ANK2: variants seen among roughly 807,000 people sequenced by gnomAD.
The protein encoded by ANK2 is ankyrin-2.
Under a neutral mutation model 360.5 loss-of-function variants are expected in ANK2, and 83 were observed. The observed-to-expected ratio is 0.23, with a 90% confidence interval of 0.19 to 0.28. ANK2 has a LOEUF of 0.28. Among genes scored for constraint, ANK2 ranks in the 10% least tolerant of loss-of-function variants. The pLI is 1.00. For missense variants in ANK2, 4,201 were observed against 4,795.7 expected, an observed-to-expected ratio of 0.88 and a Z score of 3.66; for synonymous variants, 1,740 against 1,759.5, an observed-to-expected ratio of 0.99 and a Z score of 0.28.
At chr4:112,707,213 T>C in the ANK2 span, among the ~76,000 whole-genome samples, 58 of 152,276 alleles carry the variant, frequency 3.8e-4, no homozygotes, top group African/African-American at 1.4e-3. Flanking sequence ...CCTGGTAGTG[T>C]GGAAATTTTG....
At chr4:112,788,935 C>T in the ANK2 span, 1 of 615,940 alleles carries the variant, frequency 1.6e-6, no homozygotes, top group South Asian at 2.1e-5. Flanking sequence ...ACTTCATCAT[C>T]TCAAATACAG....
intron 20 of ANK2, among the ~76,000 whole-genome samples, chr4:113,289,840 TA>T (rs1563463596): frequency 6.6e-6 from 1 of 152,214 alleles, no homozygotes; most frequent in Non-Finnish European, 1.5e-5. Flanking sequence ...CTTTGAGACT[TA>T]TTTAAAGCCT....
chr4:112,706,900 T>C, the ANK2 span: 1 of 152,180 alleles, frequency 6.6e-6, no homozygotes. Context: ...TCTGTTTGTA[T>C]GGTAATATTA....
chr4:113,179,193 A>G (rs1327540052), intron 2 of ANK2, among the ~76,000 whole-genome samples: 1 of 152,234 alleles, frequency 6.6e-6, no homozygotes, highest in Non-Finnish European at 1.5e-5. Flanking sequence ...ATAATATGGC[A>G]TATGAAAGAA....
At chr4:112,745,684 C>T in the ANK2 span, among the ~76,000 whole-genome samples, 1 of 152,080 alleles carries the variant, frequency 6.6e-6, no homozygotes, top group African/African-American at 2.4e-5. Flanking sequence ...TAGGCACCCA[C>T]CACCATGCCT....
chr4:112,779,506 G>T, the ANK2 span, among the ~76,000 whole-genome samples: 2 of 151,912 alleles, frequency 1.3e-5, no homozygotes, highest in African/African-American at 2.4e-5. Flanking sequence ...GCGACAGAGC[G>T]GGACTCGGTC....
At chr4:112,979,250 G>T (rs2042363976) in intron 2 of ANK2, among the ~76,000 whole-genome samples, 1 of 152,210 alleles carries the variant, frequency 6.6e-6, no homozygotes, top group South Asian at 2.1e-4. Flanking sequence ...AGGTGTGCCG[G>T]CTGCAGCAAG....
chr4:112,785,550 T>C, the ANK2 span, among the ~76,000 whole-genome samples: 1 of 151,958 alleles, frequency 6.6e-6, no homozygotes, highest in Non-Finnish European at 1.5e-5. Context: ...TTTCTGTATT[T>C]TTAATAGAGA....
At chr4:112,763,298 C>T in the ANK2 span, among the ~76,000 whole-genome samples, 1 of 150,840 alleles carries the variant, frequency 6.6e-6, no homozygotes, top group African/African-American at 2.4e-5. Context: ...GGGCGATCTC[C>T]GCTCACTGCA....
chr4:112,901,531 G>A (rs2083347670), intron 1 of ANK2, among the ~76,000 whole-genome samples: 2 of 152,096 alleles, frequency 1.3e-5, no homozygotes, highest in Admixed American at 6.6e-5. Context: ...GGTTTTCAGT[G>A]TTGTTTCTTT....
chr4:113,134,497 C>T (rs2096273887), intron 1 of ANK2, among the ~76,000 whole-genome samples: 2 of 151,814 alleles, frequency 1.3e-5, no homozygotes, highest in East Asian at 3.9e-4. Flanking sequence ...GAAAATTGAT[C>T]CCCCCTTATC....
chr4:113,081,809 G>A (rs9991647), intron 1 of ANK2, among the ~76,000 whole-genome samples: 5,584 of 150,276 alleles, frequency 0.037, 352 homozygotes, highest in African/African-American at 0.13. Context: ...ATGAAAACAC[G>A]TATTTTTTTT....
chr4:112,805,940 G>C, the ANK2 span, among the ~76,000 whole-genome samples: 1 of 152,078 alleles, frequency 6.6e-6, no homozygotes, highest in Non-Finnish European at 1.5e-5. Flanking sequence ...GTACAAAATA[G>C]GTGTATATAT....
At chr4:113,095,489 A>G (rs546743805) in intron 1 of ANK2, among the ~76,000 whole-genome samples, 65 of 152,256 alleles carry the variant, frequency 4.3e-4, no homozygotes, top group African/African-American at 1.5e-3. Flanking sequence ...TGTGATTTGT[A>G]TCAGGCACGA....
chr4:113,353,332 A>G lies in ANK2; in HGVS notation c.4714A>G (p.Thr1572Ala). 6.2e-7 allele frequency: 1 copy of G among 1,614,108 alleles called. No homozygotes were observed. Among genetic ancestry groups the G allele is most frequent in the Non-Finnish European group, 8.5e-7 (1 of 1,179,960 alleles). ...VNEILRSGTC[T>A]RDESSVQSSR... ...TGAAATCCTGAGAAGTGGAACCTGC[A>G]CAAGAGATGAAAGCAGTGTGCAGAG... is the stretch of plus-strand genomic sequence containing the variant. The change falls in exon 38 of 46, where the codon ACA (threonine) becomes GCA (alanine). Residue 1572 changes from threonine (T) to alanine (A), a missense_variant. Physicochemically the swap from Thr to Ala is moderately conservative, Grantham distance 58. This residue lies in a region of ANK2 where 1,268 missense variants were observed against 1,650.8 expected (regional missense o/e 0.77). Coordinates refer to ENST00000357077, the MANE Select transcript of ANK2 (RefSeq NM_001148.6).
intron 1 of ANK2, among the ~76,000 whole-genome samples, chr4:112,900,536 G>A (rs933333191): frequency 6.6e-6 from 1 of 152,016 alleles, no homozygotes; most frequent in Non-Finnish European, 1.5e-5. Context: ...TCAAAAGCCG[G>A]GGAAAGGGAA....
intron 2 of ANK2, among the ~76,000 whole-genome samples, chr4:112,941,802 T>C (rs2094242914): frequency 6.7e-6 from 1 of 150,146 alleles, no homozygotes; most frequent in African/African-American, 2.4e-5. Context: ...TTTACGTGTG[T>C]ATATTTTTTA....
chr4:113,308,382 G>A (rs2078256183), intron 23 of ANK2, among the ~76,000 whole-genome samples: 1 of 152,192 alleles, frequency 6.6e-6, no homozygotes, highest in African/African-American at 2.4e-5. Context: ...TTTAGGTGGA[G>A]AAGTCCAGAA....
chr4:113,267,005 A>G (rs186856226), intron 14 of ANK2, among the ~76,000 whole-genome samples: 4 of 152,232 alleles, frequency 2.6e-5, no homozygotes, highest in Admixed American at 2.6e-4. Context: ...GTGACCAGTG[A>G]TGATGAGCTT....
Sources: gnomAD v4.1 joint callset for allele counts (sites outside exome capture counted in the v4.1 genomes callset) on GRCh38, gnomAD v4.1.1 for gene constraint, gnomAD v4.1.1 regional missense constraint, MANE v1.5 for transcripts, NCBI Gene and HGNC (gene_info 2026-07-23, HGNC 2026-07-21) for gene names.